CSMD1: variants seen among roughly 807,000 people sequenced by gnomAD.
The protein encoded by CSMD1 is CUB and Sushi multiple domains 1.
A neutral mutation model predicts 417.5 loss-of-function variants in CSMD1; 213 were observed. The ratio of observed to expected loss-of-function variants is 0.51; its 90% CI spans 0.46 to 0.57. The LOEUF (loss-of-function observed/expected upper bound fraction) is 0.57, where lower values mean the gene tolerates loss of function less well. CSMD1 is among the 20% of genes least tolerant of loss of function. The pLI is 0.00. For missense variants in CSMD1, 6,923 were observed against 4,529.7 expected, an observed-to-expected ratio of 1.53 and a Z score of -15.17; for synonymous variants, 2,862 against 1,736.8, an observed-to-expected ratio of 1.65 and a Z score of -16.11.
At chr8:3,977,442 G>C (rs1185897745) in intron 5 of CSMD1, among the ~76,000 whole-genome samples, 1 of 152,022 alleles carries the variant, frequency 6.6e-6, no homozygotes, top group African/African-American at 2.4e-5. Context: ...CATGTTCTCT[G>C]AGTTGTTTTG....
At chr8:4,635,985 G>A (rs1307552190) in intron 2 of CSMD1, among the ~76,000 whole-genome samples, 1 of 151,774 alleles carries the variant, frequency 6.6e-6, no homozygotes, top group Non-Finnish European at 1.5e-5. Flanking sequence ...GTGAAAAAAT[G>A]CAAATAAAAT....
At chr8:3,679,385 C>T (rs1043976313) in intron 7 of CSMD1, among the ~76,000 whole-genome samples, 23 of 152,078 alleles carry the variant, frequency 1.5e-4, no homozygotes, top group African/African-American at 4.1e-4. Context: ...GGTTGCAATC[C>T]TAGTCTCTGA....
At chr8:3,686,920 G>A (rs890410973) in intron 7 of CSMD1, among the ~76,000 whole-genome samples, 4 of 152,164 alleles carry the variant, frequency 2.6e-5, no homozygotes, top group African/African-American at 9.7e-5. Flanking sequence ...ACAGAGTAGA[G>A]CTTTGTCTCC....
intron 3 of CSMD1, among the ~76,000 whole-genome samples, chr8:4,164,704 G>C (rs114164208): frequency 2.0e-5 from 3 of 152,028 alleles, no homozygotes; most frequent in South Asian, 2.1e-4. Context: ...TGCTGAGGTG[G>C]AGGAAAGATT....
At chr8:4,447,572 G>C (rs557452555) in intron 2 of CSMD1, among the ~76,000 whole-genome samples, 1 of 152,162 alleles carries the variant, frequency 6.6e-6, no homozygotes, top group Non-Finnish European at 1.5e-5. Flanking sequence ...AAATACCAAT[G>C]CTCTGTCAAC....
At chr8:4,564,439 G>A (rs1187320351) in intron 2 of CSMD1, among the ~76,000 whole-genome samples, 1 of 152,142 alleles carries the variant, frequency 6.6e-6, no homozygotes, top group Non-Finnish European at 1.5e-5. Flanking sequence ...AGGTGCCAGG[G>A]GATCTAGTGT....
chr8:4,822,142 G>T (rs1034566101), intron 1 of CSMD1, among the ~76,000 whole-genome samples: 7 of 151,968 alleles, frequency 4.6e-5, no homozygotes, highest in African/African-American at 1.7e-4. Flanking sequence ...AAAGTTAAAT[G>T]TTATAAGCCT....
chr8:4,375,268 G>A (rs939303659), intron 3 of CSMD1, among the ~76,000 whole-genome samples: 1 of 152,124 alleles, frequency 6.6e-6, no homozygotes, highest in Non-Finnish European at 1.5e-5. Flanking sequence ...TCCATAAACA[G>A]ACTTCAGGAA....
chr8:3,259,807 T>C (rs1182850012), intron 26 of CSMD1, among the ~76,000 whole-genome samples: 2 of 152,228 alleles, frequency 1.3e-5, no homozygotes, highest in African/African-American at 4.8e-5. Flanking sequence ...CAGCTAGTAT[T>C]GTAGCTTGAA....
intron 2 of CSMD1, among the ~76,000 whole-genome samples, chr8:4,584,020 C>T (rs937358521): frequency 4.6e-5 from 7 of 152,000 alleles, no homozygotes; most frequent in East Asian, 1.9e-4. Context: ...ACTCCAGATG[C>T]GCCGCCTTAA....
At chr8:4,346,475 C>A (rs936376450) in intron 3 of CSMD1, among the ~76,000 whole-genome samples, 1 of 152,070 alleles carries the variant, frequency 6.6e-6, no homozygotes, top group African/African-American at 2.4e-5. Flanking sequence ...TGATATAATC[C>A]ATCCCTGCTC....
At chr8:3,707,577 G>C (rs772381391) in intron 7 of CSMD1, among the ~76,000 whole-genome samples, 17 of 152,186 alleles carry the variant, frequency 1.1e-4, no homozygotes, top group Non-Finnish European at 2.2e-4. Flanking sequence ...TCGTTTGTAA[G>C]AAAAGCAAAC....
chr8:4,772,172 G>C (rs1796634218), intron 1 of CSMD1, among the ~76,000 whole-genome samples: 1 of 152,042 alleles, frequency 6.6e-6, no homozygotes, highest in Non-Finnish European at 1.5e-5. Flanking sequence ...ATGAAGTCCT[G>C]TTTTCTTGCT....
chr8:3,836,639 C>G (rs973026018), intron 5 of CSMD1, among the ~76,000 whole-genome samples: 1 of 152,090 alleles, frequency 6.6e-6, no homozygotes, highest in Non-Finnish European at 1.5e-5. Flanking sequence ...AATCAAATTA[C>G]ACATTCACAA....
chr8:3,709,680 G>GTTTTTTGTTTTTTTTTTTTTTTT (rs1801387923), intron 6 of CSMD1, among the ~76,000 whole-genome samples: 1 of 33,694 alleles, frequency 3.0e-5, no homozygotes, highest in East Asian at 1.5e-3. Flanking sequence ...GCAGCAGCAT[G>GTTTTTTGTTTTTTTTTTTTTTTT]TTTTTTTTTT....
intron 1 of CSMD1, among the ~76,000 whole-genome samples, chr8:4,651,936 T>C (rs191394881): frequency 3.1e-3 from 473 of 152,260 alleles, no homozygotes; most frequent in South Asian, 6.0e-3. Context: ...AGAGACCTGA[T>C]AGGGAGAACT....
At chr8:4,746,005 A>G (rs956890062) in intron 1 of CSMD1, among the ~76,000 whole-genome samples, 5 of 152,244 alleles carry the variant, frequency 3.3e-5, no homozygotes, top group Non-Finnish European at 7.3e-5. Context: ...TTAGAAAAAG[A>G]AAATCTTCTA....
chr8:3,287,141 C>T (rs181509251), intron 25 of CSMD1, among the ~76,000 whole-genome samples: 7 of 150,930 alleles, frequency 4.6e-5, no homozygotes, highest in Non-Finnish European at 8.9e-5. Context: ...TGTAGATATG[C>T]AGCATTATTT....
chr8:4,247,188 T>C (rs1657049042), intron 3 of CSMD1, among the ~76,000 whole-genome samples: 2 of 152,226 alleles, frequency 1.3e-5, no homozygotes, highest in Admixed American at 6.5e-5. Flanking sequence ...TAACACAGTT[T>C]GCATAGCATT....
Sources: gnomAD v4.1 joint callset for allele counts (sites outside exome capture counted in the v4.1 genomes callset) on GRCh38, gnomAD v4.1.1 for gene constraint, MANE v1.5 for transcripts, NCBI Gene and HGNC (gene_info 2026-07-23, HGNC 2026-07-21) for gene names.